The following CADPS2 variants were observed in gnomAD, a reference collection of about 807,000 sequenced individuals.
CADPS2 encodes the protein calcium dependent secretion activator 2, also known as calcium-dependent secretion activator 2.
A neutral mutation model predicts 172.5 loss-of-function variants in CADPS2; 93 were observed. The ratio of observed to expected loss-of-function variants is 0.54; its 90% CI spans 0.46 to 0.64. CADPS2 has a LOEUF of 0.64. CADPS2 is among the 30% of genes least tolerant of loss of function. The pLI, the probability that CADPS2 is intolerant of heterozygous loss-of-function variation, is 0.00. For synonymous variants in CADPS2, 546 were observed against 555.2 expected, an observed-to-expected ratio of 0.98 and a Z score of 0.23; for missense variants, 1,420 against 1,565.9, an observed-to-expected ratio of 0.91 and a Z score of 1.57.
intron 12 of CADPS2, among the ~76,000 whole-genome samples, chr7:122,478,241 A>C (rs551064038): frequency 6.6e-6 from 1 of 152,344 alleles, no homozygotes; most frequent in African/African-American, 2.4e-5. Flanking sequence ...AAAATTATTC[A>C]TGGTGTTACT....
chr7:122,428,899 C>G (rs2049524956), intron 17 of CADPS2, among the ~76,000 whole-genome samples: 2 of 152,138 alleles, frequency 1.3e-5, no homozygotes, highest in African/African-American at 4.8e-5. Context: ...CAGGGCCTCT[C>G]TCCTCCCCAC....
At chr7:122,645,928 C>A (rs945570051) in intron 3 of CADPS2, among the ~76,000 whole-genome samples, 1 of 151,218 alleles carries the variant, frequency 6.6e-6, no homozygotes, top group South Asian at 2.1e-4. Flanking sequence ...AAGGAATGAG[C>A]TATTATTTTA....
intron 19 of CADPS2, among the ~76,000 whole-genome samples, chr7:122,412,399 T>C (rs1018588244): frequency 1.3e-5 from 2 of 152,096 alleles, no homozygotes; most frequent in African/African-American, 4.8e-5. Flanking sequence ...AAAAATAAAT[T>C]AAAAAAATCA....
intron 14 of CADPS2, among the ~76,000 whole-genome samples, chr7:122,466,644 C>G (rs548980674): frequency 6.6e-6 from 1 of 152,264 alleles, no homozygotes; most frequent in East Asian, 1.9e-4. Flanking sequence ...AACTAATACA[C>G]TGCATAAAAA....
At chr7:122,650,405 C>G (rs1453189932) in intron 3 of CADPS2, among the ~76,000 whole-genome samples, 4 of 152,040 alleles carry the variant, frequency 2.6e-5, no homozygotes, top group Admixed American at 6.6e-5. Context: ...AGCAAAAACA[C>G]TTTCTTTTTA....
chr7:122,374,485 G>A (rs910088267), intron 25 of CADPS2, among the ~76,000 whole-genome samples: 1 of 151,770 alleles, frequency 6.6e-6, no homozygotes, highest in Admixed American at 6.6e-5. Flanking sequence ...AATCAGGAAA[G>A]AACAAGTAAA....
At chr7:122,632,756 A>G (rs986104913) in intron 3 of CADPS2, among the ~76,000 whole-genome samples, 33 of 152,310 alleles carry the variant, frequency 2.2e-4, no homozygotes, top group Non-Finnish European at 3.8e-4. Context: ...GGACTTAGCC[A>G]TAAGTTATTT....
intron 1 of CADPS2, among the ~76,000 whole-genome samples, chr7:122,770,148 C>T (rs1224261759): frequency 6.6e-6 from 1 of 152,140 alleles, no homozygotes; most frequent in African/African-American, 2.4e-5. Flanking sequence ...ACCCTCAGCA[C>T]ACCTTACCTC....
intron 1 of CADPS2, among the ~76,000 whole-genome samples, chr7:122,816,602 C>A (rs1389392849): frequency 2.0e-5 from 3 of 152,168 alleles, no homozygotes; most frequent in East Asian, 1.9e-4. Context: ...TTTGGAGGAA[C>A]CTCCATACTG....
chr7:122,662,191 T>C (rs1312701967), intron 3 of CADPS2, among the ~76,000 whole-genome samples: 1 of 152,190 alleles, frequency 6.6e-6, no homozygotes, highest in Non-Finnish European at 1.5e-5. Context: ...ACTCTTAAGG[T>C]AACACAAAAA....
chr7:122,403,850 C>A (rs1213487449), intron 20 of CADPS2, among the ~76,000 whole-genome samples: 2 of 152,060 alleles, frequency 1.3e-5, no homozygotes, highest in South Asian at 2.1e-4. Context: ...AATATTAATT[C>A]ATTGTAGTAG....
intron 2 of CADPS2, among the ~76,000 whole-genome samples, chr7:122,666,114 C>A (rs2081168449): frequency 6.6e-6 from 1 of 152,064 alleles, no homozygotes; most frequent in Non-Finnish European, 1.5e-5. Flanking sequence ...TATTTATATG[C>A]AATTTAAAAT....
At chr7:122,506,005 C>G (rs2059582460) in intron 9 of CADPS2, among the ~76,000 whole-genome samples, 1 of 152,110 alleles carries the variant, frequency 6.6e-6, no homozygotes, top group African/African-American at 2.4e-5. Flanking sequence ...CACGGGTAAT[C>G]TGGAGAAATT....
At chr7:122,641,918 T>C (rs999546420) in intron 3 of CADPS2, among the ~76,000 whole-genome samples, 1 of 151,416 alleles carries the variant, frequency 6.6e-6, no homozygotes, top group Non-Finnish European at 1.5e-5. Context: ...GGGTACTCAA[T>C]TAGGAGAAAA....
intron 14 of CADPS2, among the ~76,000 whole-genome samples, chr7:122,454,029 A>T (rs1378219448): frequency 2.6e-5 from 4 of 152,230 alleles, no homozygotes; most frequent in Admixed American, 2.0e-4. Context: ...AATATTAGGC[A>T]TAAGAAGCAG....
At chr7:122,416,712 C>T (rs2047962651) in intron 17 of CADPS2, among the ~76,000 whole-genome samples, 1 of 152,186 alleles carries the variant, frequency 6.6e-6, no homozygotes, top group African/African-American at 2.4e-5. Context: ...CACCATCCCA[C>T]CCCACCTTTC....
intron 12 of CADPS2, chr7:122,480,141 C>T (rs777906838): frequency 4.7e-5 from 22 of 470,600 alleles, no homozygotes; most frequent in South Asian, 1.1e-4. Flanking sequence ...TCTTCCCCAC[C>T]CCTTCAGCTC....
intron 9 of CADPS2, among the ~76,000 whole-genome samples, chr7:122,503,854 T>C (rs944759686): frequency 6.6e-6 from 1 of 152,198 alleles, no homozygotes; most frequent in African/African-American, 2.4e-5. Context: ...ATGGAGGAGA[T>C]AAATGAATTG....
chr7:122,633,679 AT>A (rs1319744768), intron 3 of CADPS2, among the ~76,000 whole-genome samples: 25 of 152,048 alleles, frequency 1.6e-4, no homozygotes, highest in Non-Finnish European at 3.2e-4. Flanking sequence ...ACATGGATGC[AT>A]TTTATTTATT....
Sources: allele counts gnomAD v4.1 joint callset (sites outside exome capture counted in the v4.1 genomes callset), GRCh38; gene constraint gnomAD v4.1.1; transcripts MANE v1.5; gene names NCBI Gene and HGNC (gene_info 2026-07-23, HGNC 2026-07-21).